CCDC148: variants seen among roughly 807,000 people sequenced by gnomAD.
CCDC148 encodes coiled-coil domain-containing protein 148.
Under a neutral mutation model 85.7 loss-of-function variants are expected in CCDC148, and 89 were observed. The ratio of observed to expected loss-of-function variants is 1.04; its 90% CI spans 0.87 to 1.24. The LOEUF (loss-of-function observed/expected upper bound fraction) is 1.24. Ranked by LOEUF, CCDC148 falls within the 50% of genes most tolerant of loss-of-function variation. The pLI is 0.00. For missense variants in CCDC148, 692 were observed against 671.7 expected (o/e 1.03, Z -0.33); for synonymous variants, 230 against 213.9 (o/e 1.08, Z -0.66).
chr2:158,308,757 C>T (rs1475749928), intron 9 of CCDC148, among the ~76,000 whole-genome samples: 1 of 152,198 alleles, frequency 6.6e-6, no homozygotes, highest in Non-Finnish European at 1.5e-5. Flanking sequence ...CTGTGACCCT[C>T]CTGTGGAATG....
chr2:158,290,512 A>T (rs1364954682), intron 9 of CCDC148, among the ~76,000 whole-genome samples: 1 of 152,076 alleles, frequency 6.6e-6, no homozygotes, highest in East Asian at 1.9e-4. Context: ...CTTTGCTTAG[A>T]ATACACCTCC....
chr2:158,310,474 G>T (rs1290136378), intron 8 of CCDC148, among the ~76,000 whole-genome samples: 1 of 151,254 alleles, frequency 6.6e-6, no homozygotes, highest in Non-Finnish European at 1.5e-5. Context: ...GGGCAGAGGG[G>T]CTCCTCACTT....
chr2:158,392,750 T>C (rs1196677244), intron 1 of CCDC148, among the ~76,000 whole-genome samples: 2 of 152,128 alleles, frequency 1.3e-5, no homozygotes, highest in African/African-American at 4.8e-5. Flanking sequence ...TAGACAGCAA[T>C]AGTGAAACAC....
intron 9 of CCDC148, among the ~76,000 whole-genome samples, chr2:158,299,148 C>G (rs535872617): frequency 2.0e-5 from 3 of 152,066 alleles, no homozygotes; most frequent in Admixed American, 2.0e-4. Context: ...GGGTTTCAAC[C>G]GAATGTCTAG....
At chr2:158,348,385 A>G (rs1014336958) in intron 2 of CCDC148, among the ~76,000 whole-genome samples, 1 of 151,904 alleles carries the variant, frequency 6.6e-6, no homozygotes, top group Non-Finnish European at 1.5e-5. Flanking sequence ...AAACAATACA[A>G]TTTCTTCAAA....
intron 1 of CCDC148, among the ~76,000 whole-genome samples, chr2:158,397,941 CCAAA>C (rs1374521610): frequency 6.6e-6 from 1 of 151,684 alleles, no homozygotes; most frequent in Non-Finnish European, 1.5e-5. Context: ...GGAAGATCCA[CCAAA>C]CAAACAAACA....
At chr2:158,322,359 T>C (rs1417160063) in intron 7 of CCDC148, among the ~76,000 whole-genome samples, 2 of 152,044 alleles carry the variant, frequency 1.3e-5, no homozygotes, top group Non-Finnish European at 2.9e-5. Context: ...ATACATGACC[T>C]AAATCATAGA....
intron 1 of CCDC148, among the ~76,000 whole-genome samples, chr2:158,454,100 T>C (rs1003005811): frequency 1.3e-5 from 2 of 152,210 alleles, no homozygotes; most frequent in African/African-American, 4.8e-5. Context: ...GAGAACTTAA[T>C]TGGCAAAATA....
At chr2:158,401,700 A>AT (rs1685792362) in intron 1 of CCDC148, among the ~76,000 whole-genome samples, 1 of 152,084 alleles carries the variant, frequency 6.6e-6, no homozygotes, top group African/African-American at 2.4e-5. Flanking sequence ...AATAATAATA[A>AT]TAAAAAGACT....
chr2:158,217,372 G>GTA (rs1279069325), intron 11 of CCDC148, among the ~76,000 whole-genome samples: 17 of 72,324 alleles, frequency 2.4e-4, no homozygotes, highest in African/African-American at 3.5e-4. Context: ...TTGTGTGTGT[G>GTA]TGTATATATA....
intron 1 of CCDC148, among the ~76,000 whole-genome samples, chr2:158,401,371 T>C (rs1246551868): frequency 2.0e-5 from 3 of 151,960 alleles, no homozygotes; most frequent in Non-Finnish European, 2.9e-5. Flanking sequence ...TATGCAGCCA[T>C]AAAAAAGGAT....
At chr2:158,363,890 G>A (rs1309186373) in intron 1 of CCDC148, among the ~76,000 whole-genome samples, 1 of 152,168 alleles carries the variant, frequency 6.6e-6, no homozygotes, top group African/African-American at 2.4e-5. Flanking sequence ...GTTTGCAGAT[G>A]ACATGAATGT....
At chr2:158,329,301 A>G (rs1309484151) in intron 7 of CCDC148, among the ~76,000 whole-genome samples, 10 of 152,110 alleles carry the variant, frequency 6.6e-5, no homozygotes, top group South Asian at 2.1e-4. Flanking sequence ...TTTTTCTCAG[A>G]TTTGTCAAAG....
intron 1 of CCDC148, among the ~76,000 whole-genome samples, chr2:158,393,742 A>T (rs76635962): frequency 0.019 from 2,952 of 152,256 alleles, 47 homozygotes; most frequent in Non-Finnish European, 0.027. Flanking sequence ...AGGTGGATGG[A>T]TTTTTAAAGA....
At chr2:158,207,204 C>T (rs566550200) in intron 11 of CCDC148, among the ~76,000 whole-genome samples, 53 of 152,242 alleles carry the variant, frequency 3.5e-4, no homozygotes, top group Non-Finnish European at 5.4e-4. Context: ...TGGGCTGAAG[C>T]GCAGGCATTC....
At chr2:158,435,153 G>C (rs1267147339) in intron 1 of CCDC148, among the ~76,000 whole-genome samples, 1 of 152,120 alleles carries the variant, frequency 6.6e-6, no homozygotes, top group Non-Finnish European at 1.5e-5. Context: ...CTCGAGAAGA[G>C]CAACTCCAAG....
chr2:158,349,782 A>C (rs1683170480), intron 2 of CCDC148, among the ~76,000 whole-genome samples: 1 of 152,142 alleles, frequency 6.6e-6, no homozygotes, highest in South Asian at 2.1e-4. Flanking sequence ...GAAGAAAAAA[A>C]AGCAAGTGTT....
intron 1 of CCDC148, among the ~76,000 whole-genome samples, chr2:158,438,776 C>T (rs904228853): frequency 1.3e-5 from 2 of 152,192 alleles, no homozygotes; most frequent in South Asian, 2.1e-4. Context: ...AACAAATTTA[C>T]AAGAAAAAAA....
At chr2:158,267,836 C>A (rs541771416) in intron 9 of CCDC148, among the ~76,000 whole-genome samples, 2 of 152,152 alleles carry the variant, frequency 1.3e-5, no homozygotes, top group Non-Finnish European at 2.9e-5. Flanking sequence ...ATATAAAAGG[C>A]ATTACACAGT....
Sources: allele counts gnomAD v4.1 joint callset (sites outside exome capture counted in the v4.1 genomes callset), GRCh38; gene constraint gnomAD v4.1.1; transcripts MANE v1.5; gene names NCBI Gene and HGNC (gene_info 2026-07-23, HGNC 2026-07-21).